PIK3C2G: variants seen among roughly 807,000 people sequenced by gnomAD.
The protein encoded by PIK3C2G is phosphatidylinositol-4-phosphate 3-kinase catalytic subunit type 2 gamma.
In PIK3C2G, 168 loss-of-function variants were observed where a neutral mutation model predicts 181.1. The ratio of observed to expected loss-of-function variants is 0.93; its 90% CI spans 0.82 to 1.05. PIK3C2G has a LOEUF of 1.05. Ranked by LOEUF, PIK3C2G falls within the 50% of genes least tolerant of loss-of-function variation. The probability of loss-of-function intolerance (pLI) is 0.00; values close to 1 mark genes in which losing one functional copy is unlikely to be tolerated. For synonymous variants in PIK3C2G, 573 were observed against 592.2 expected (o/e 0.97, Z 0.47); for missense variants, 1,869 against 1,732.8 (o/e 1.08, Z -1.40).
chr12:18,385,817 C>T (rs983500795), intron 14 of PIK3C2G, among the ~76,000 whole-genome samples: 5 of 152,076 alleles, frequency 3.3e-5, no homozygotes, highest in African/African-American at 9.7e-5. Context: ...CCACCTATCT[C>T]GGACCCCCAA....
At chr12:18,594,694 C>T (rs1321735327) in intron 30 of PIK3C2G, 125 bp downstream of exon 30, 1 of 476,496 alleles carries the variant, frequency 2.1e-6, no homozygotes, top group East Asian at 3.6e-5. Context: ...CTTTAATACT[C>T]TTTTCTAACC....
chr12:18,621,550 GT>G (rs1565571435), intron 31 of PIK3C2G, among the ~76,000 whole-genome samples: 2 of 151,348 alleles, frequency 1.3e-5, no homozygotes, highest in Non-Finnish European at 3.0e-5. Context: ...ATATATATAT[GT>G]TATTAACATA....
At chr12:18,276,513 AC>A (rs1948993163) in intron 1 of PIK3C2G, among the ~76,000 whole-genome samples, 1 of 152,180 alleles carries the variant, frequency 6.6e-6, no homozygotes, top group South Asian at 2.1e-4. Flanking sequence ...CTAAACAAAA[AC>A]ATACCCAATA....
rs564045282 is a variant in PIK3C2G at position 18,336,879 on chromosome 12, G to A, written c.1273-1547G>A. 8.5e-5 allele frequency among the ~76,000 whole-genome samples: 13 copies of A among 152,120 alleles called. No homozygotes were observed. In the South Asian group the frequency reaches 2.5e-3, roughly 29 times the overall value. On this transcript the variant is annotated intron_variant, in intron 8 of 32. Transcript: ENST00000538779. Reference sequence around the variant, plus strand: ...GTAAAATTACATATCAGAGATACTGGCTATTTTTCCACAAAAGAAGCAAAG... The same window carrying A: ...GTAAAATTACATATCAGAGATACTGACTATTTTTCCACAAAAGAAGCAAAG...
At chr12:18,645,354 T>C (rs755188701) in intron 32 of PIK3C2G, among the ~76,000 whole-genome samples, 14 of 152,314 alleles carry the variant, frequency 9.2e-5, no homozygotes, top group Non-Finnish European at 1.8e-4. Flanking sequence ...TTATCATCTA[T>C]AATGTGCAAT....
intron 18 of PIK3C2G, among the ~76,000 whole-genome samples, chr12:18,475,424 A>C (rs145400928): frequency 2.5e-3 from 369 of 146,540 alleles, no homozygotes; most frequent in Admixed American, 7.5e-3. Flanking sequence ...TTTTTCTTAC[A>C]TTTGTAATTA....
intron 14 of PIK3C2G, among the ~76,000 whole-genome samples, chr12:18,386,117 GC>G (rs1411948046): frequency 1.3e-5 from 2 of 152,002 alleles, no homozygotes; most frequent in East Asian, 2.0e-4. Flanking sequence ...TGGTGTTACT[GC>G]CCTCGGTTAT....
At chr12:18,691,778 A>G in the PIK3C2G span, among the ~76,000 whole-genome samples, 1 of 152,148 alleles carries the variant, frequency 6.6e-6, no homozygotes, top group Non-Finnish European at 1.5e-5. Context: ...GTTGTAGGCA[A>G]TTGCTGCCTA....
the PIK3C2G span, among the ~76,000 whole-genome samples, chr12:18,671,440 C>T: frequency 1.1e-4 from 16 of 152,042 alleles, no homozygotes; most frequent in Admixed American, 6.6e-4. Flanking sequence ...TGTGTGACTG[C>T]GTCAGCATAA....
At chr12:18,555,854 A>G (rs193071508) in intron 26 of PIK3C2G, among the ~76,000 whole-genome samples, 46 of 152,290 alleles carry the variant, frequency 3.0e-4, no homozygotes, top group Non-Finnish European at 3.7e-4. Context: ...GATAAACATG[A>G]GTAGAATTCT....
At chr12:18,529,440 G>C (rs904965216) in intron 24 of PIK3C2G, among the ~76,000 whole-genome samples, 19 of 152,110 alleles carry the variant, frequency 1.2e-4, no homozygotes, top group Admixed American at 1.2e-3. Flanking sequence ...GCCTACCAGA[G>C]TCTATCCTAT....
intron 26 of PIK3C2G, among the ~76,000 whole-genome samples, chr12:18,552,885 C>T (rs1944806728): frequency 6.6e-6 from 1 of 152,024 alleles, no homozygotes; most frequent in Non-Finnish European, 1.5e-5. Flanking sequence ...AGTCAGGATA[C>T]ACCTTAGCTA....
At chr12:18,599,978 A>G (rs937012563) in intron 30 of PIK3C2G, among the ~76,000 whole-genome samples, 57 of 152,092 alleles carry the variant, frequency 3.7e-4, no homozygotes, top group African/African-American at 1.2e-3. Context: ...GAAACACATA[A>G]AAACACACTA....
intron 18 of PIK3C2G, among the ~76,000 whole-genome samples, chr12:18,473,194 A>G (rs951302662): frequency 6.6e-6 from 1 of 152,106 alleles, no homozygotes; most frequent in African/African-American, 2.4e-5. Flanking sequence ...TTGCTTTTAC[A>G]ATGTTTTAAA....
intron 18 of PIK3C2G, among the ~76,000 whole-genome samples, chr12:18,486,262 G>T (rs1940021820): frequency 6.6e-6 from 1 of 152,058 alleles, no homozygotes; most frequent in Admixed American, 6.6e-5. Flanking sequence ...TATTCTCCAA[G>T]GAAAATAATC....
At chr12:18,513,771 G>A (rs1404579934) in intron 24 of PIK3C2G, among the ~76,000 whole-genome samples, 1 of 151,384 alleles carries the variant, frequency 6.6e-6, no homozygotes, top group Non-Finnish European at 1.5e-5. Flanking sequence ...TAAACGGTTT[G>A]TATTTTGTAT....
the PIK3C2G span, among the ~76,000 whole-genome samples, chr12:18,694,510 C>G: frequency 2.0e-5 from 3 of 152,058 alleles, no homozygotes; most frequent in African/African-American, 7.2e-5. Flanking sequence ...ATTGTGGAGA[C>G]TGAGGAAAAG....
intron 16 of PIK3C2G, among the ~76,000 whole-genome samples, chr12:18,412,408 CA>C (rs1944913539): frequency 6.6e-6 from 1 of 151,986 alleles, no homozygotes; most frequent in African/African-American, 2.4e-5. Flanking sequence ...CTCATTTGCT[CA>C]TGACTGTAGG....
chr12:18,255,468 C>G (rs1209734887), intron 1 of PIK3C2G, among the ~76,000 whole-genome samples: 1 of 152,110 alleles, frequency 6.6e-6, no homozygotes, highest in Non-Finnish European at 1.5e-5. Context: ...TTTTTACTTT[C>G]TTTCTTTTAT....
Sources: gnomAD v4.1 joint callset for allele counts (sites outside exome capture counted in the v4.1 genomes callset) on GRCh38, gnomAD v4.1.1 for gene constraint, MANE v1.5 for transcripts, NCBI Gene and HGNC (gene_info 2026-07-23, HGNC 2026-07-21) for gene names.